Variants in SLC4A10 observed in about 807,000 individuals in gnomAD.
SLC4A10 encodes sodium-driven chloride bicarbonate exchanger.
A neutral mutation model predicts 137.7 loss-of-function variants in SLC4A10; 42 were observed. The ratio of observed to expected loss-of-function variants is 0.30; its 90% confidence interval spans 0.24 to 0.39. The LOEUF (loss-of-function observed/expected upper bound fraction) is 0.39, where lower values mean the gene tolerates loss of function less well. Among genes scored for constraint, SLC4A10 ranks in the 10% least tolerant of loss-of-function variants. SLC4A10 has a pLI of 1.00. For synonymous variants in SLC4A10, 474 were observed against 464.1 expected (o/e 1.02, Z -0.27); for missense variants, 925 against 1,355.0 (o/e 0.68, Z 4.98).
chr2:161,696,574 C>T (rs2042537731), intron 1 of SLC4A10, among the ~76,000 whole-genome samples: 1 of 148,782 alleles, frequency 6.7e-6, no homozygotes, highest in Admixed American at 6.8e-5. Context: ...TTTGTTCTTG[C>T]AATAGTTTAA....
chr2:161,773,843 C>T (rs543511636), intron 2 of SLC4A10, among the ~76,000 whole-genome samples: 1 of 151,694 alleles, frequency 6.6e-6, no homozygotes, highest in East Asian at 1.9e-4. Context: ...ATGTCTTTTC[C>T]TCCTATTAAA....
At chr2:161,791,263 A>G (rs2054177423) in intron 2 of SLC4A10, among the ~76,000 whole-genome samples, 1 of 152,250 alleles carries the variant, frequency 6.6e-6, no homozygotes, top group African/African-American at 2.4e-5. Context: ...TTGCACATGT[A>G]TACCCTGAAA....
At chr2:161,951,409 T>C (rs1314262493) in intron 19 of SLC4A10, among the ~76,000 whole-genome samples, 1 of 152,208 alleles carries the variant, frequency 6.6e-6, no homozygotes, top group African/African-American at 2.4e-5. Flanking sequence ...AGATGTGTCT[T>C]AGTTACATTC....
chr2:161,625,417 A>G (rs1195072798), intron 1 of SLC4A10, among the ~76,000 whole-genome samples: 1 of 152,048 alleles, frequency 6.6e-6, no homozygotes, highest in African/African-American at 2.4e-5. Flanking sequence ...GAAAAAAGAA[A>G]AAAAAAACCC....
chr2:161,921,343 CTAA>C (rs1688094366), intron 15 of SLC4A10, among the ~76,000 whole-genome samples: 1 of 152,040 alleles, frequency 6.6e-6, no homozygotes, highest in African/African-American at 2.4e-5. Context: ...CTTAAAAGTT[CTAA>C]TAAGTTTTAT....
chr2:161,632,569 T>C (rs921157899), intron 1 of SLC4A10, among the ~76,000 whole-genome samples: 92 of 151,766 alleles, frequency 6.1e-4, no homozygotes, highest in African/African-American at 2.1e-3. Flanking sequence ...TCATATATAA[T>C]TGACAGAACA....
intron 10 of SLC4A10, among the ~76,000 whole-genome samples, chr2:161,888,079 T>G (rs967677739): frequency 6.6e-6 from 1 of 152,228 alleles, no homozygotes; most frequent in Non-Finnish European, 1.5e-5. Context: ...CCATTGCTTG[T>G]TTTTGTCAGG....
At chr2:161,625,247 T>G (rs760596439) in intron 1 of SLC4A10, among the ~76,000 whole-genome samples, 1 of 151,948 alleles carries the variant, frequency 6.6e-6, no homozygotes, top group African/African-American at 2.4e-5. Flanking sequence ...AGCCCATCTG[T>G]TTACCTCTGG....
chr2:161,966,743 A>ACAAAAAC (rs1553645653), intron 23 of SLC4A10, among the ~76,000 whole-genome samples: 1 of 149,726 alleles, frequency 6.7e-6, no homozygotes, highest in Non-Finnish European at 1.5e-5. Context: ...CTCAAAAAAA[A>ACAAAAAC]AAAAAACAAA....
At chr2:161,787,449 A>G (rs894136695) in intron 2 of SLC4A10, among the ~76,000 whole-genome samples, 3 of 152,012 alleles carry the variant, frequency 2.0e-5, no homozygotes, top group Admixed American at 6.6e-5. Context: ...AATTTCTTTT[A>G]TCTGGATGTC....
intron 1 of SLC4A10, among the ~76,000 whole-genome samples, chr2:161,653,329 T>C (rs1408788592): frequency 6.6e-6 from 1 of 152,212 alleles, no homozygotes; most frequent in East Asian, 1.9e-4. Flanking sequence ...TGTGTCTTTA[T>C]AGTAGAATGA....
chr2:161,779,660 A>G (rs1382807608), intron 2 of SLC4A10, among the ~76,000 whole-genome samples: 1 of 152,014 alleles, frequency 6.6e-6, no homozygotes, highest in Non-Finnish European at 1.5e-5. Flanking sequence ...AAAAAAGTAA[A>G]AAATTAGGGC....
chr2:161,729,131 G>A (rs1047540749), intron 1 of SLC4A10, among the ~76,000 whole-genome samples: 5 of 151,938 alleles, frequency 3.3e-5, no homozygotes, highest in Non-Finnish European at 5.9e-5. Context: ...CATAAGATGA[G>A]GAATAAGGCA....
At chr2:161,947,524 G>A (rs761660728) in intron 16 of SLC4A10, 42 bp from the exon 17 acceptor site, 2 of 1,587,086 alleles carry the variant, frequency 1.3e-6, no homozygotes, top group East Asian at 2.3e-5. Context: ...AATGTGTCCG[G>A]TTTTTTCTTA....
At chr2:161,976,913 C>A in intron 25 of SLC4A10, 37 bp downstream of exon 25, 1 of 1,127,716 alleles carries the variant, frequency 8.9e-7, no homozygotes, top group Non-Finnish European at 1.3e-6. Flanking sequence ...TATACTAATT[C>A]CAATTGTTTT....
intron 1 of SLC4A10, among the ~76,000 whole-genome samples, chr2:161,761,282 C>T (rs760626626): frequency 4.9e-4 from 75 of 151,984 alleles, no homozygotes; most frequent in Non-Finnish European, 9.3e-4. Flanking sequence ...AGAACGAGGA[C>T]TTGGGCATCA....
In SLC4A10 at chr2:161,900,944, A is replaced by G. The variant is rs575260520; in HGVS notation, c.1375A>G (p.Thr459Ala). ...GAAGATTCCTGCTGTACCAAATGGAACAGCAGCTCATGGGGAAGCAGAGCC... is the reference window on the plus strand; with the variant it reads ...GAAGATTCCTGCTGTACCAAATGGAGCAGCAGCTCATGGGGAAGCAGAGCC... ...KRKIPAVPNG[T>A]AAHGEAEPHG... The change falls in exon 12 of 27, where the codon ACA becomes GCA. Residue 459 changes from threonine to alanine, a missense_variant. This residue lies in a region of SLC4A10 where 61 missense variants were observed against 59.0 expected (regional missense o/e 1.03). Coordinates refer to ENST00000446997, the MANE Select transcript of SLC4A10 (RefSeq NM_001178015.2). 1.3e-6 allele frequency: 2 copies of G among 1,565,788 alleles called. No homozygotes were observed. Among genetic ancestry groups the G allele is most frequent in the African/African-American group, 1.4e-5 (1 of 73,760 alleles).
In SLC4A10 at chr2:161,949,161, T is replaced by C; in HGVS notation, c.2279T>C (p.Val760Ala). Reference sequence around the variant, plus strand: ...CATTATTTTTAGGTTCGATCCATAGTGAGTGACTTTGCTGTCTTTCTTACA... The same window carrying C: ...CATTATTTTTAGGTTCGATCCATAGCGAGTGACTTTGCTGTCTTTCTTACA... ...RYFPTKVRSI[V>A]SDFAVFLTIL... is the part of the protein sequence containing the mutation. Residue 760 changes from valine to alanine, a missense_variant, in exon 18 of 27, where the codon GTG (valine) becomes GCG (alanine). Transcript: ENST00000446997. 6.2e-7 allele frequency: 1 copy of C among 1,609,284 alleles called. No individual in the cohort carries two copies. The highest frequency in any genetic ancestry group is 8.5e-7 in the Non-Finnish European group (1 of 1,177,168).
Position 161,712,443 on chromosome 2 carries a change from C to T in SLC4A10, c.49-58530C>T, listed in dbSNP as rs145699600. Among the ~76,000 whole-genome samples the T allele has an allele frequency of 9.0e-4, 137 of 151,724 alleles. 2 individuals carry two copies. In the East Asian group the frequency reaches 0.023, roughly 25 times the overall value. ...AAAAAAATAATAGGGGCAAATTTAC[C>T]TAGCATAGATTTAGTGATACTTAGT... On this transcript the variant is annotated intron_variant, in intron 1 of 26. Coordinates refer to ENST00000446997, the MANE Select transcript of SLC4A10 (RefSeq NM_001178015.2).
Sources: gnomAD v4.1 joint callset for allele counts (sites outside exome capture counted in the v4.1 genomes callset) on GRCh38, gnomAD v4.1.1 for gene constraint, gnomAD v4.1.1 regional missense constraint, MANE v1.5 for transcripts, NCBI Gene and HGNC (gene_info 2026-07-23, HGNC 2026-07-21) for gene names.